Variants in COL5A2 observed in about 807,000 individuals in gnomAD.
The protein encoded by COL5A2 is collagen alpha-2(V) chain.
COL5A2 carries 23 observed loss-of-function variants against 208.2 expected under a neutral mutation model. That is an observed-to-expected ratio of 0.11 (90% confidence interval 0.08 to 0.16). The LOEUF is 0.16. COL5A2 is among the 10% of genes least tolerant of loss of function. The pLI is 1.00. For missense variants in COL5A2, 1,590 were observed against 1,956.4 expected (o/e 0.81, Z 3.53); for synonymous variants, 625 against 628.5 (o/e 0.99, Z 0.08).
At chr2:189,389,318 A>G in the COL5A2 span, among the ~76,000 whole-genome samples, 1 of 152,200 alleles carries the variant, frequency 6.6e-6, no homozygotes, top group South Asian at 2.1e-4. Flanking sequence ...AATTCCTATG[A>G]CCCTTTTAGC....
chr2:189,032,138 G>A lies in COL5A2; in HGVS notation c.*1932C>T, dbSNP rs1685348304. ...AGGTCAAAATATAACCAGTTTAGGG[G>A]AAAATGATGTTGTAAACTAAATATT... is the stretch of plus-strand genomic sequence containing the variant. On this transcript the variant is annotated 3_prime_UTR_variant, in exon 54 of 54. Transcript: ENST00000374866. 6.6e-6 allele frequency: 1 copy of A among 152,014 alleles called. No individual in the cohort carries two copies. Among genetic ancestry groups the A allele is most frequent in the South Asian group, 2.1e-4 (1 of 4,824 alleles). The allele number at this position is 152,014 out of a possible 1,614,324, so 9.4% of individuals were successfully genotyped here. A position where few individuals can be genotyped will look rare whatever the true frequency, so the allele number is the denominator to read the frequency against.
the COL5A2 span, among the ~76,000 whole-genome samples, chr2:189,363,297 T>G: frequency 6.6e-6 from 1 of 152,238 alleles, no homozygotes; most frequent in African/African-American, 2.4e-5. Flanking sequence ...TGCCAAATGT[T>G]TTTAATAGAT....
Position 189,052,837 on chromosome 2 carries a change from A to G in COL5A2, c.2662-35T>C, listed in dbSNP as rs199960652. 80 of 1,613,314 alleles carry G rather than the reference A, an allele frequency of 5.0e-5. No individual in the cohort carries two copies. The East Asian group carries it at 1.8e-3, about 35-fold the overall frequency. ...AACAAACAAAAGAGCACTATAGTGAAGCAAAAGAGGCTGAATGTACACTCC... is the reference window on the plus strand; with the variant it reads ...AACAAACAAAAGAGCACTATAGTGAGGCAAAAGAGGCTGAATGTACACTCC... On this transcript the variant is annotated intron_variant, in intron 39 of 53. Coordinates refer to ENST00000374866, the MANE Select transcript of COL5A2 (RefSeq NM_000393.5).
the COL5A2 span, among the ~76,000 whole-genome samples, chr2:189,246,216 T>C: frequency 6.6e-6 from 1 of 152,158 alleles, no homozygotes; most frequent in Non-Finnish European, 1.5e-5. Flanking sequence ...ATCCAGATTA[T>C]GACACGTTAC....
At chr2:189,336,956 T>G in the COL5A2 span, among the ~76,000 whole-genome samples, 1 of 152,196 alleles carries the variant, frequency 6.6e-6, no homozygotes, top group Non-Finnish European at 1.5e-5. Context: ...TAGATTCAGG[T>G]TGAGTTTATG....
chr2:189,100,264 C>A lies in COL5A2; in HGVS notation c.337-125G>T, dbSNP rs1013887087. On this transcript the variant is annotated intron_variant, in intron 3 of 53. Coordinates refer to ENST00000374866, the MANE Select transcript of COL5A2 (RefSeq NM_000393.5). ...ATTTCTATGTAAGAAATGCAAAAAACTACAAAAAGAAAGTTAACAATTTTT... is the reference window on the plus strand; with the variant it reads ...ATTTCTATGTAAGAAATGCAAAAAAATACAAAAAGAAAGTTAACAATTTTT... The A allele has an allele frequency of 7.4e-5, 54 of 731,964 alleles. No individual in the cohort carries two copies. The African/African-American group carries it at 8.8e-4, about 12-fold the overall frequency. 45.3% of individuals were successfully genotyped at this position (731,964 alleles called of 1,614,324 possible). A position where few individuals can be genotyped will look rare whatever the true frequency, so the allele number is the denominator to read the frequency against.
the COL5A2 span, among the ~76,000 whole-genome samples, chr2:189,356,731 T>G: frequency 6.6e-6 from 1 of 152,214 alleles, no homozygotes; most frequent in Non-Finnish European, 1.5e-5. Context: ...GAAGCCTACT[T>G]CTGTCAATTC....
chr2:189,354,815 C>G, the COL5A2 span, among the ~76,000 whole-genome samples: 1 of 152,234 alleles, frequency 6.6e-6, no homozygotes, highest in South Asian at 2.1e-4. Flanking sequence ...TTCTTGTCTT[C>G]TGCTAGCTTT....
the COL5A2 span, among the ~76,000 whole-genome samples, chr2:189,404,930 G>C: frequency 6.6e-6 from 1 of 152,178 alleles, no homozygotes; most frequent in African/African-American, 2.4e-5. Flanking sequence ...TGGAGACACA[G>C]TACAAATATT....
the COL5A2 span, among the ~76,000 whole-genome samples, chr2:189,342,066 T>C: frequency 1.3e-5 from 2 of 151,978 alleles, no homozygotes; most frequent in Non-Finnish European, 1.5e-5. Context: ...CAAAATAATG[T>C]ACTATTTCTG....
Position 189,039,618 on chromosome 2 carries a change from CTGGTAGAACT to C in COL5A2, c.3634-65_3634-56del, listed in dbSNP as rs1219651525. 4.5e-6 allele frequency: 7 copies of C among 1,556,854 alleles called. No homozygotes were observed. In the African/African-American group the frequency reaches 8.1e-5, roughly 18 times the overall value. ...AACACATTGTTTTTGTTTTACTTAA[CTGGTAGAACT>C]TGGTTCATAGGGAGTTCCAATGAGA... On this transcript the variant is annotated intron_variant, in intron 50 of 53. Transcript: ENST00000374866.
At position 189,106,478 on chromosome 2, in the gene COL5A2, AT is replaced by A. The variant is rs559406500; in HGVS notation, c.323-2202del. Among the ~76,000 whole-genome samples, 271 of 151,190 alleles carry A rather than the reference AT, an allele frequency of 1.8e-3. 2 individuals are homozygous for A. Among genetic ancestry groups the A allele is most frequent in the African/African-American group, 6.3e-3 (262 of 41,442 alleles). ...CTCTCATGTCTTACTAAATTCTTTT[AT>A]TTTTTGTAGTTTTATTTTTACTCAA... On this transcript the variant is annotated intron_variant, in intron 2 of 53. Coordinates refer to ENST00000374866, the MANE Select transcript of COL5A2 (RefSeq NM_000393.5).
At chr2:189,343,265 A>G in the COL5A2 span, among the ~76,000 whole-genome samples, 1 of 152,120 alleles carries the variant, frequency 6.6e-6, no homozygotes, top group South Asian at 2.1e-4. Context: ...AGACAAAATT[A>G]TTCTTTTTTC....
the COL5A2 span, among the ~76,000 whole-genome samples, chr2:189,288,621 T>C: frequency 0.58 from 88,022 of 151,978 alleles, 26,898 homozygotes; most frequent in East Asian, 0.72. Flanking sequence ...GTGGCTTCAC[T>C]GCTTTTACCA....
At chr2:189,148,782 A>T (rs1688088983) in intron 1 of COL5A2, among the ~76,000 whole-genome samples, 1 of 152,198 alleles carries the variant, frequency 6.6e-6, no homozygotes, top group African/African-American at 2.4e-5. Context: ...CCAAAAATGG[A>T]AATTCCCAAA....
chr2:189,036,215 GC>G (rs1559071961), intron 52 of COL5A2, among the ~76,000 whole-genome samples: 2 of 151,934 alleles, frequency 1.3e-5, no homozygotes, highest in Admixed American at 6.6e-5. Context: ...ACTTTATAAG[GC>G]CCCAAAGTCA....
chr2:189,244,127 A>G, the COL5A2 span, among the ~76,000 whole-genome samples: 1 of 152,322 alleles, frequency 6.6e-6, no homozygotes, highest in African/African-American at 2.4e-5. Context: ...AGTCTCTGTC[A>G]TGCCCTGGAG....
intron 18 of COL5A2, among the ~76,000 whole-genome samples, chr2:189,071,469 C>T (rs761340001): frequency 3.3e-5 from 5 of 152,184 alleles, no homozygotes; most frequent in African/African-American, 7.2e-5. Context: ...TGATTCACTA[C>T]AAATATTAAG....
chr2:189,127,447 C>T (rs1051783782), intron 1 of COL5A2, among the ~76,000 whole-genome samples: 1 of 151,818 alleles, frequency 6.6e-6, no homozygotes, highest in African/African-American at 2.4e-5. Context: ...CACTGGAAAC[C>T]CTTAAGAGGC....
Sources: allele counts gnomAD v4.1 joint callset (sites outside exome capture counted in the v4.1 genomes callset), GRCh38; gene constraint gnomAD v4.1.1; transcripts MANE v1.5; gene names NCBI Gene and HGNC (gene_info 2026-07-23, HGNC 2026-07-21).